BICD1: variants seen among roughly 807,000 people sequenced by gnomAD.
BICD1 encodes the protein protein bicaudal D homolog 1.
In BICD1, 35 loss-of-function variants were observed where a neutral mutation model predicts 92.5. That is an observed-to-expected ratio of 0.38 (90% CI 0.29 to 0.50). The LOEUF (loss-of-function observed/expected upper bound fraction) is 0.50. BICD1 is among the 20% of genes least tolerant of loss of function. The pLI is 0.93. For missense variants in BICD1, 950 were observed against 1,189.8 expected, an observed-to-expected ratio of 0.80 and a Z score of 2.97; for synonymous variants, 429 against 465.1, an observed-to-expected ratio of 0.92 and a Z score of 1.00.
intron 2 of BICD1, among the ~76,000 whole-genome samples, chr12:32,243,867 T>C (rs1022524874): frequency 6.6e-6 from 1 of 152,204 alleles, no homozygotes; most frequent in African/African-American, 2.4e-5. Flanking sequence ...CTACATGAGA[T>C]TTAGTTTGAT....
At chr12:32,221,316 A>G (rs1262590898) in intron 2 of BICD1, among the ~76,000 whole-genome samples, 1 of 151,364 alleles carries the variant, frequency 6.6e-6, no homozygotes, top group East Asian at 1.9e-4. Context: ...ACATGTGGCA[A>G]AACAAATTAA....
At chr12:32,114,593 G>A (rs1941822534) in intron 1 of BICD1, among the ~76,000 whole-genome samples, 1 of 152,048 alleles carries the variant, frequency 6.6e-6, no homozygotes, top group South Asian at 2.1e-4. Context: ...ATGTAAGCCA[G>A]GTTGGTCTAG....
intron 1 of BICD1, among the ~76,000 whole-genome samples, chr12:32,172,709 T>C (rs1295729718): frequency 1.3e-5 from 2 of 152,190 alleles, no homozygotes; most frequent in Non-Finnish European, 2.9e-5. Context: ...GATGCTGACC[T>C]GGGTAGGACA....
intron 2 of BICD1, among the ~76,000 whole-genome samples, chr12:32,290,450 C>T (rs1947695613): frequency 2.6e-5 from 4 of 152,192 alleles, no homozygotes; most frequent in Admixed American, 2.0e-4. Flanking sequence ...TCTTAGCTTT[C>T]ATTCCTATCA....
intron 2 of BICD1, among the ~76,000 whole-genome samples, chr12:32,260,017 C>T (rs113079133): frequency 0.012 from 1,873 of 151,898 alleles, 17 homozygotes; most frequent in Non-Finnish European, 0.019. Context: ...CTCTGCCTCC[C>T]GGGTTCAAGT....
In BICD1 at chr12:32,282,368, A is replaced by G. The variant is rs9651804; in HGVS notation, c.427-11626A>G. 4.7e-3 allele frequency among the ~76,000 whole-genome samples: 716 copies of G among 151,794 alleles called. 6 individuals are homozygous for G. The highest frequency in any genetic ancestry group is 0.017 in the African/African-American group (685 of 41,370). On this transcript the variant is annotated intron_variant, in intron 2 of 9. Transcript: ENST00000652176. ...CCCGAGTAGCTGGAACTATAGGCAC[A>G]TGCCACCACACCCAGCTAATTTTTG...
At chr12:32,351,260 C>T (rs201091557) in intron 8 of BICD1, among the ~76,000 whole-genome samples, 9 of 147,930 alleles carry the variant, frequency 6.1e-5, no homozygotes, top group East Asian at 2.1e-4. Flanking sequence ...CCGAGGTGGG[C>T]GGATCGCTTG....
At position 32,216,284 on chromosome 12, in the gene BICD1, C is replaced by T. The variant is rs1349762231; in HGVS notation, c.251C>T (p.Ala84Val). The T allele has an allele frequency of 3.5e-5, 56 of 1,613,986 alleles. No homozygotes were observed. Among genetic ancestry groups the T allele is most frequent in the Non-Finnish European group, 4.7e-5 (56 of 1,179,996 alleles). The change falls in exon 2 of 10, where the codon GCT (alanine) becomes GTT (valine). Residue 84 changes from alanine (A) to valine (V), a missense_variant. This residue lies in a region of BICD1 where 202 missense variants were observed against 205.3 expected (regional missense o/e 0.98). Transcript: ENST00000652176. The part of the protein sequence containing the change: ...GQSFSIHRKV[A>V]EDGETREETL... Reference sequence around the variant, plus strand: ...TCCTTCTCCATCCACCGGAAGGTTGCTGAAGATGGAGAGACTCGGGAGGAA... The same window carrying T: ...TCCTTCTCCATCCACCGGAAGGTTGTTGAAGATGGAGAGACTCGGGAGGAA...
chr12:32,188,127 G>A (rs1005974788), intron 1 of BICD1, among the ~76,000 whole-genome samples: 2 of 152,006 alleles, frequency 1.3e-5, no homozygotes, highest in East Asian at 1.9e-4. Context: ...TTGTAGAGAC[G>A]GGGTTTCACC....
At chr12:32,315,173 G>A (rs565760069) in intron 4 of BICD1, among the ~76,000 whole-genome samples, 41 of 152,190 alleles carry the variant, frequency 2.7e-4, no homozygotes, top group African/African-American at 9.4e-4. Context: ...TTACACGTGG[G>A]CATCCAGTTG....
At chr12:32,166,761 C>T (rs948004600) in intron 1 of BICD1, among the ~76,000 whole-genome samples, 9 of 152,160 alleles carry the variant, frequency 5.9e-5, no homozygotes, top group Admixed American at 3.9e-4. Context: ...ATCCCTGTAC[C>T]GTATGTAGTC....
At position 32,367,761 on chromosome 12, in the gene BICD1, C is replaced by G; in HGVS notation, c.2840+16C>G. 1 of 1,607,552 alleles carries G rather than the reference C, an allele frequency of 6.2e-7. No homozygotes were observed. Among genetic ancestry groups the G allele is most frequent in the Non-Finnish European group, 8.5e-7 (1 of 1,174,204 alleles). On this transcript the variant is annotated intron_variant, in intron 9 of 9. Transcript: ENST00000652176. ...CAACTGTCAGGTAAATTCAGATGTC[C>G]TTTCCCTTCCACCCAGCTGCATGTC...
chr12:32,124,394 A>G (rs879042714), intron 1 of BICD1, among the ~76,000 whole-genome samples: 4 of 152,190 alleles, frequency 2.6e-5, no homozygotes, highest in Non-Finnish European at 5.9e-5. Flanking sequence ...TTTAGCAGCT[A>G]TGTGACCTTA....
At chr12:32,225,621 G>GTTTTTT (rs58895470) in intron 2 of BICD1, among the ~76,000 whole-genome samples, 1,529 of 92,244 alleles carry the variant, frequency 0.017, 33 homozygotes, top group Non-Finnish European at 0.022. Flanking sequence ...CTTTTTTTCT[G>GTTTTTT]TTTTTTTTTT....
rs66461342 is a variant in BICD1 at position 32,192,453 on chromosome 12, AATAGATAGATAG to A, written c.214-23780_214-23769del. Among the ~76,000 whole-genome samples the A allele has an allele frequency of 3.0e-4, 45 of 149,172 alleles. No homozygotes were observed. In the East Asian group the frequency reaches 5.3e-3, roughly 18 times the overall value. ...TGTTAAATAAATAAATAAATAAATA[AATAGATAGATAG>A]ATAGATAGATAGACAAATAAAGCAA... On this transcript the variant is annotated intron_variant, in intron 1 of 9. Coordinates refer to ENST00000652176, the MANE Select transcript of BICD1 (RefSeq NM_001714.4).
intron 1 of BICD1, among the ~76,000 whole-genome samples, chr12:32,205,642 CT>C (rs1945028738): frequency 6.9e-6 from 1 of 144,982 alleles, no homozygotes. Flanking sequence ...TCATATTTTT[CT>C]AATATTTATG....
At chr12:32,130,395 G>T (rs936984141) in intron 1 of BICD1, among the ~76,000 whole-genome samples, 5 of 152,218 alleles carry the variant, frequency 3.3e-5, no homozygotes, top group Middle Eastern at 6.8e-3. Context: ...AGTAGAGACG[G>T]GGTTTCACCG....
At chr12:32,359,512 C>T (rs1454333652) in intron 8 of BICD1, among the ~76,000 whole-genome samples, 3 of 46,392 alleles carry the variant, frequency 6.5e-5, no homozygotes, top group Non-Finnish European at 1.2e-4. Context: ...CCATCATAAC[C>T]CATGAATCCA....
At chr12:32,187,944 ATT>A (rs35813557) in intron 1 of BICD1, among the ~76,000 whole-genome samples, 1 of 147,444 alleles carries the variant, frequency 6.8e-6, no homozygotes, top group Non-Finnish European at 1.5e-5. Context: ...CTATAAATGC[ATT>A]TTTTTTTTTT....
Sources: gnomAD v4.1 joint callset for allele counts (sites outside exome capture counted in the v4.1 genomes callset) on GRCh38, gnomAD v4.1.1 for gene constraint, gnomAD v4.1.1 regional missense constraint, MANE v1.5 for transcripts, NCBI Gene and HGNC (gene_info 2026-07-23, HGNC 2026-07-21) for gene names.